Variants in PDE12 observed in about 807,000 individuals in gnomAD.
PDE12 encodes 2',5'-phosphodiesterase 12.
Under a neutral mutation model 45.4 loss-of-function variants are expected in PDE12, and 26 were observed. That is an observed-to-expected ratio of 0.57 (90% confidence interval 0.42 to 0.79). PDE12 has a LOEUF of 0.79. Among genes scored for constraint, PDE12 ranks in the 30% least tolerant of loss-of-function variants. PDE12 has a pLI of 0.00. For missense variants in PDE12, 668 were observed against 790.0 expected (o/e 0.85, Z 1.85); for synonymous variants, 283 against 323.9 (o/e 0.87, Z 1.36).
the PDE12 span, among the ~76,000 whole-genome samples, chr3:57,573,727 A>G: frequency 7.2e-5 from 11 of 151,778 alleles, no homozygotes; most frequent in African/African-American, 2.4e-4. Context: ...GGTTACACAC[A>G]TGCACCACCA....
chr3:57,558,917 C>T (rs1328936570), intron 1 of PDE12, among the ~76,000 whole-genome samples: 2 of 151,844 alleles, frequency 1.3e-5, no homozygotes, highest in Admixed American at 1.3e-4. Context: ...CGTTAGTTCG[C>T]CATTAGTCTT....
chr3:57,604,626 T>TGGG, the PDE12 span, among the ~76,000 whole-genome samples: 902 of 31,954 alleles, frequency 0.028, 26 homozygotes, highest in Middle Eastern at 0.037. Context: ...TTGGGGGGGG[T>TGGG]GGGTGGGACA....
chr3:57,568,436 CAGAGCG>C (rs2069805605), downstream of PDE12, among the ~76,000 whole-genome samples: 1 of 151,850 alleles, frequency 6.6e-6, no homozygotes, highest in Non-Finnish European at 1.5e-5. Flanking sequence ...GCCTGGGCGA[CAGAGCG>C]AGACCCTGTC....
chr3:57,641,583 A>G, the PDE12 span: 3 of 1,310,152 alleles, frequency 2.3e-6, no homozygotes, highest in Non-Finnish European at 2.1e-6. Context: ...AAAATAATCA[A>G]GGATGAAAAG....
the PDE12 span, among the ~76,000 whole-genome samples, chr3:57,576,504 C>CTTTT: frequency 5.1e-3 from 522 of 101,584 alleles, 8 homozygotes; most frequent in African/African-American, 0.017. Flanking sequence ...CTCAACCAAG[C>CTTTT]TTTTTTTTTT....
chr3:57,569,745 T>A (rs1164371770), downstream of PDE12, among the ~76,000 whole-genome samples: 1 of 140,752 alleles, frequency 7.1e-6, no homozygotes, highest in Non-Finnish European at 1.5e-5. Context: ...GATGGGAGGA[T>A]CACTTGAGCC....
the PDE12 span, chr3:57,628,174 T>C: frequency 6.3e-7 from 1 of 1,596,172 alleles, no homozygotes. Flanking sequence ...GTATGCTTCA[T>C]GATGCATAAT....
the PDE12 span, among the ~76,000 whole-genome samples, chr3:57,610,333 G>A: frequency 6.6e-6 from 1 of 152,148 alleles, no homozygotes; most frequent in Non-Finnish European, 1.5e-5. Flanking sequence ...ACAAGACGGG[G>A]ATGCCCTCTC....
the PDE12 span, chr3:57,575,766 A>T: frequency 1.6e-6 from 2 of 1,289,320 alleles, no homozygotes; most frequent in African/African-American, 3.1e-5. Flanking sequence ...CATTAAATAC[A>T]TTATTAAACA....
At position 57,559,844 on chromosome 3, in the gene PDE12, A is replaced by T; in HGVS notation, c.1670A>T (p.His557Leu). ...TACACAAATTATGTTGGTGGCTTTC[A>T]TGGATGTCTAGATTACATTTTCATT... ...PAYTNYVGGFHGCLDYIFIDL... is the reference protein window; with the variant it reads ...PAYTNYVGGFLGCLDYIFIDL... The change falls in exon 3 of 3, where the codon CAT becomes CTT. Residue 557 changes from histidine to leucine, a missense_variant. His to Leu is a moderately conservative substitution (Grantham distance 99). Coordinates refer to ENST00000311180, the MANE Select transcript of PDE12 (RefSeq NM_177966.7). 6.2e-7 allele frequency: 1 copy of T among 1,614,184 alleles called. No homozygotes were observed. The highest frequency in any genetic ancestry group is 8.5e-7 in the Non-Finnish European group (1 of 1,180,026).
the PDE12 span, among the ~76,000 whole-genome samples, chr3:57,609,449 G>A: frequency 1.8e-3 from 273 of 151,922 alleles, 1 homozygote; most frequent in Middle Eastern, 0.017. Context: ...GAATCCAGGA[G>A]CTGTTTTTTT....
chr3:57,628,420 C>T, the PDE12 span: 1 of 1,520,312 alleles, frequency 6.6e-7, no homozygotes, highest in South Asian at 1.3e-5. Context: ...TCTAAATAAA[C>T]CATTTTAAAG....
chr3:57,654,551 G>C, the PDE12 span: 54 of 863,470 alleles, frequency 6.3e-5, no homozygotes, highest in Non-Finnish European at 7.5e-5. Context: ...ATTGTACTAG[G>C]AACAAATAGC....
the PDE12 span, chr3:57,634,914 C>A: frequency 5.1e-6 from 3 of 582,892 alleles, no homozygotes; most frequent in East Asian, 9.8e-5. Flanking sequence ...GTTAAGGGTT[C>A]ATTCTTGGTA....
Position 57,556,855 on chromosome 3 carries a change from G to A in PDE12, c.476G>A (p.Arg159His). 2 of 1,614,032 alleles carry A rather than the reference G, an allele frequency of 1.2e-6. No individual in the cohort carries two copies. Among genetic ancestry groups the A allele is most frequent in the Non-Finnish European group, 1.7e-6 (2 of 1,180,032 alleles). ...GGCGATGTTAAGTACAAGGTGGAGC[G>A]CAACCCGCCCGCCTTCACCGAACTG... is the stretch of plus-strand genomic sequence containing the variant. ...QIGDVKYKVE[R>H]NPPAFTELQL... Residue 159 changes from arginine (R) to histidine (H), a missense_variant, in exon 1 of 3, where the codon CGC (arginine) becomes CAC (histidine). By Grantham distance (29) the Arg-to-His change is conservative. Coordinates refer to ENST00000311180, the MANE Select transcript of PDE12 (RefSeq NM_177966.7). The surrounding 1 kb of genome is among the most constrained non-coding windows in gnomAD (Gnocchi z 5.0).
At chr3:57,578,198 A>C in the PDE12 span, among the ~76,000 whole-genome samples, 1 of 152,166 alleles carries the variant, frequency 6.6e-6, no homozygotes, top group African/African-American at 2.4e-5. Flanking sequence ...GAAAAAATTA[A>C]CTTGCTTCAG....
At chr3:57,642,722 C>T in the PDE12 span, among the ~76,000 whole-genome samples, 2 of 151,848 alleles carry the variant, frequency 1.3e-5, no homozygotes, top group African/African-American at 2.4e-5. Flanking sequence ...AAAGATCAAT[C>T]GGCCAGGCGC....
In PDE12 at chr3:57,566,836, T is replaced by A. The variant is rs1374530519; in HGVS notation, c.*6832T>A. On this transcript the variant is annotated 3_prime_UTR_variant, in exon 3 of 3. Coordinates refer to ENST00000311180, the MANE Select transcript of PDE12 (RefSeq NM_177966.7). ...ACCCCTCCTTAAAAAATAAATAATATAATAATCCATCATCCCTTGCCTTTT... is the reference window on the plus strand; with the variant it reads ...ACCCCTCCTTAAAAAATAAATAATAAAATAATCCATCATCCCTTGCCTTTT... The A allele has an allele frequency of 6.6e-6, 1 of 152,162 alleles. No homozygotes were observed. The highest frequency in any genetic ancestry group is 1.5e-5 in the Non-Finnish European group (1 of 68,018). The allele number at this position is 152,162 out of a possible 1,614,324, so 9.4% of individuals were successfully genotyped here.
chr3:57,568,068 C>CAAAAAA (rs11360766), downstream of PDE12, among the ~76,000 whole-genome samples: 53 of 47,528 alleles, frequency 1.1e-3, no homozygotes, highest in African/African-American at 3.4e-3. Context: ...GACTCCATCT[C>CAAAAAA]AAAAAAAAAA....
Sources: allele counts gnomAD v4.1 joint callset (sites outside exome capture counted in the v4.1 genomes callset), GRCh38; gene constraint gnomAD v4.1.1; non-coding constraint Gnocchi (gnomAD v3.1); transcripts MANE v1.5; gene names NCBI Gene and HGNC (gene_info 2026-07-23, HGNC 2026-07-21).